The following GNPAT variants were observed in gnomAD, a reference collection of about 807,000 sequenced individuals.
The protein encoded by GNPAT is dihydroxyacetone phosphate acyltransferase.
GNPAT carries 30 observed loss-of-function variants against 78.4 expected under a neutral mutation model. The ratio of observed to expected loss-of-function variants is 0.38; its 90% confidence interval spans 0.29 to 0.52. The LOEUF (loss-of-function observed/expected upper bound fraction) is 0.52, where lower values mean the gene tolerates loss of function less well. Ranked by LOEUF, GNPAT falls within the 20% of genes least tolerant of loss-of-function variation. GNPAT has a pLI of 0.84. For synonymous variants in GNPAT, 271 were observed against 281.1 expected (o/e 0.96, Z 0.36); for missense variants, 714 against 812.2 (o/e 0.88, Z 1.47).
At chr1:231,272,918 T>G (rs1685608173) in intron 11 of GNPAT, among the ~76,000 whole-genome samples, 1 of 152,200 alleles carries the variant, frequency 6.6e-6, no homozygotes, top group South Asian at 2.1e-4. Flanking sequence ...GAGGTTGCTG[T>G]GAGCCAAGAT....
intron 2 of GNPAT, among the ~76,000 whole-genome samples, chr1:231,252,461 G>A (rs1009198863): frequency 3.9e-5 from 6 of 152,174 alleles, no homozygotes; most frequent in African/African-American, 1.4e-4. Context: ...AGCCCTCCAC[G>A]TCATATCACC....
chr1:231,258,369 T>C (rs1453692478), intron 2 of GNPAT: 1 of 152,278 alleles, frequency 6.6e-6, no homozygotes. Flanking sequence ...CTGTCCCTTT[T>C]AGTCCAGTCT....
intron 1 of GNPAT, 27 bp downstream of exon 1, chr1:231,241,483 G>T (rs1684601887): frequency 6.5e-7 from 1 of 1,529,974 alleles, no homozygotes; most frequent in Non-Finnish European, 9.1e-7. Flanking sequence ...AAGAGGCCCA[G>T]AGCGGAGCCG....
At chr1:231,271,462 T>A (rs1406565852) in intron 10 of GNPAT, among the ~76,000 whole-genome samples, 1 of 152,144 alleles carries the variant, frequency 6.6e-6, no homozygotes, top group Non-Finnish European at 1.5e-5. Context: ...CACAGGAGCC[T>A]GTAGTCAAGG....
chr1:231,261,368 G>A (rs1273200846), intron 3 of GNPAT, among the ~76,000 whole-genome samples: 2 of 150,168 alleles, frequency 1.3e-5, no homozygotes, highest in African/African-American at 2.5e-5. Flanking sequence ...TAATTATTTT[G>A]AAGTGTGAAA....
intron 1 of GNPAT, among the ~76,000 whole-genome samples, chr1:231,250,600 G>A (rs1684867555): frequency 6.6e-6 from 1 of 152,140 alleles, no homozygotes; most frequent in Admixed American, 6.5e-5. Flanking sequence ...TTAAAGCTAA[G>A]TAGAGGCAAA....
chr1:231,252,311 C>A (rs1371051908), intron 2 of GNPAT, among the ~76,000 whole-genome samples: 1 of 152,156 alleles, frequency 6.6e-6, no homozygotes, highest in Non-Finnish European at 1.5e-5. Flanking sequence ...AAGAAAGAGT[C>A]AGGGATGATA....
intron 2 of GNPAT, among the ~76,000 whole-genome samples, chr1:231,252,069 T>C: frequency 6.6e-6 from 1 of 152,208 alleles, no homozygotes; most frequent in Non-Finnish European, 1.5e-5. Context: ...TGCAAAGATG[T>C]TGAAAGGTTT....
intron 2 of GNPAT, among the ~76,000 whole-genome samples, chr1:231,254,083 A>G (rs1262868846): frequency 6.6e-6 from 1 of 152,156 alleles, no homozygotes; most frequent in African/African-American, 2.4e-5. Context: ...AAAGTGCTGG[A>G]TTACTGGCAT....
At position 231,270,940 on chromosome 1, in the gene GNPAT, A is replaced by G. The variant is rs1685548062; in HGVS notation, c.1462A>G (p.Ile488Val). 1.2e-5 allele frequency: 20 copies of G among 1,614,072 alleles called. No homozygotes were observed. Among genetic ancestry groups the G allele is most frequent in the Non-Finnish European group, 1.7e-5 (20 of 1,179,970 alleles). Residue 488 changes from isoleucine to valine, a missense_variant, in exon 10 of 16, where the codon ATT (isoleucine) becomes GTT (valine). Physicochemically the swap from Ile to Val is conservative, Grantham distance 29 (BLOSUM62 3). Coordinates refer to ENST00000366647, the MANE Select transcript of GNPAT (RefSeq NM_014236.4). The stretch of plus-strand genomic sequence containing the variant: ...AGCTTATAGGAACCAGCTGCTCAAC[A>G]TTTTTGTGCGCCCATCCTTAGTAGC... ...CSAYRNQLLN[I>V]FVRPSLVAVA...
intron 1 of GNPAT, among the ~76,000 whole-genome samples, chr1:231,243,584 C>T (rs1235456210): frequency 6.6e-6 from 1 of 152,082 alleles, no homozygotes; most frequent in African/African-American, 2.4e-5. Context: ...TCCCAAAGTG[C>T]TGGAATTACA....
At chr1:231,274,542 A>G (rs1685658098) in intron 12 of GNPAT, among the ~76,000 whole-genome samples, 1 of 152,236 alleles carries the variant, frequency 6.6e-6, no homozygotes, top group African/African-American at 2.4e-5. Flanking sequence ...TCTTGGGAGT[A>G]GTTAGAGAGA....
At chr1:231,265,581 T>A in intron 5 of GNPAT, 131 bp from the exon 6 acceptor site, 2 of 892,550 alleles carry the variant, frequency 2.2e-6, no homozygotes, top group Non-Finnish European at 3.8e-6. Context: ...GACTCTCTTG[T>A]TTAATTTTCA....
chr1:231,258,971 A>G (rs1348918804), intron 2 of GNPAT, among the ~76,000 whole-genome samples: 1 of 152,040 alleles, frequency 6.6e-6, no homozygotes, highest in Non-Finnish European at 1.5e-5. Flanking sequence ...GCTAATTAAT[A>G]AAAACAAAAA....
intron 1 of GNPAT, among the ~76,000 whole-genome samples, chr1:231,248,636 T>C (rs1402486660): frequency 6.6e-6 from 1 of 151,970 alleles, no homozygotes; most frequent in Non-Finnish European, 1.5e-5. Context: ...TGTGTGTTGT[T>C]TAAGGGTCAG....
chr1:231,249,168 A>G (rs1053554097), intron 1 of GNPAT, among the ~76,000 whole-genome samples: 7 of 152,234 alleles, frequency 4.6e-5, no homozygotes, highest in African/African-American at 1.2e-4. Flanking sequence ...ATACAACTAT[A>G]TATTTATTAA....
At chr1:231,247,158 T>C (rs1313687732) in intron 1 of GNPAT, among the ~76,000 whole-genome samples, 1 of 149,526 alleles carries the variant, frequency 6.7e-6, no homozygotes, top group Non-Finnish European at 1.5e-5. Context: ...AGAGAGAGAC[T>C]CCATCTCAAA....
chr1:231,249,378 T>A (rs534003868), intron 1 of GNPAT, among the ~76,000 whole-genome samples: 1 of 152,390 alleles, frequency 6.6e-6, no homozygotes, highest in South Asian at 2.1e-4. Context: ...TGCTATTTGC[T>A]GCCACTTATA....
chr1:231,276,283 C>G (rs1685712931), intron 15 of GNPAT, 87 bp downstream of exon 15: 1 of 726,148 alleles, frequency 1.4e-6, no homozygotes, highest in South Asian at 1.5e-5. Context: ...AATACTTTAT[C>G]AAAATGATCA....
Sources: gnomAD v4.1 joint callset for allele counts (sites outside exome capture counted in the v4.1 genomes callset) on GRCh38, gnomAD v4.1.1 for gene constraint, MANE v1.5 for transcripts, NCBI Gene and HGNC (gene_info 2026-07-23, HGNC 2026-07-21) for gene names.